DARS1: variants seen among roughly 807,000 people sequenced by gnomAD.
DARS1 encodes aspartate--tRNA ligase, cytoplasmic.
DARS1 carries 51 observed loss-of-function variants against 68.8 expected under a neutral mutation model. That is an observed-to-expected ratio of 0.74 (90% CI 0.59 to 0.94). The LOEUF (loss-of-function observed/expected upper bound fraction) is 0.94. Ranked by LOEUF, DARS1 falls within the 40% of genes least tolerant of loss-of-function variation. The pLI, the probability that DARS1 is intolerant of heterozygous loss-of-function variation, is 0.00. For synonymous variants in DARS1, 203 were observed against 190.4 expected, an observed-to-expected ratio of 1.07 and a Z score of -0.55; for missense variants, 607 against 597.3, an observed-to-expected ratio of 1.02 and a Z score of -0.17.
At chr2:135,957,151 A>C (rs1681993159) in intron 4 of DARS1, among the ~76,000 whole-genome samples, 1 of 151,886 alleles carries the variant, frequency 6.6e-6, no homozygotes, top group Non-Finnish European at 1.5e-5. Flanking sequence ...TGCAGCCTGG[A>C]TCTCCTGGGC....
chr2:135,912,900 T>A (rs1575381958), intron 12 of DARS1, among the ~76,000 whole-genome samples: 1 of 152,076 alleles, frequency 6.6e-6, no homozygotes, highest in East Asian at 1.9e-4. Context: ...ATTTTTAAAA[T>A]TTTTTGTAGA....
chr2:135,920,728 A>G, intron 9 of DARS1, 128 bp from the exon 10 acceptor site: 1 of 1,203,982 alleles, frequency 8.3e-7, no homozygotes, highest in Non-Finnish European at 1.1e-6. Flanking sequence ...GGCTGGAAGG[A>G]CCTCTGATGA....
intron 4 of DARS1, among the ~76,000 whole-genome samples, chr2:135,951,360 C>T (rs1254703739): frequency 6.6e-6 from 1 of 152,162 alleles, no homozygotes; most frequent in Non-Finnish European, 1.5e-5. Flanking sequence ...GCAATTTATT[C>T]CAGATTAATG....
At chr2:135,910,525 C>T (rs1447762886) in intron 15 of DARS1, among the ~76,000 whole-genome samples, 1 of 152,074 alleles carries the variant, frequency 6.6e-6, no homozygotes, top group Non-Finnish European at 1.5e-5. Flanking sequence ...AGGTAAGGGT[C>T]TAATTTCAAT....
chr2:135,971,007 T>A (rs1682356846), intron 3 of DARS1, among the ~76,000 whole-genome samples: 1 of 152,040 alleles, frequency 6.6e-6, no homozygotes, highest in Non-Finnish European at 1.5e-5. Flanking sequence ...ACTGCTGAAT[T>A]CTACTAAACA....
intron 7 of DARS1, among the ~76,000 whole-genome samples, chr2:135,931,862 A>C (rs760339101): frequency 3.3e-5 from 5 of 152,132 alleles, no homozygotes; most frequent in African/African-American, 9.7e-5. Context: ...AATACAACCC[A>C]AAACCCAAAA....
At chr2:135,963,374 CTTT>C (rs111533002) in intron 3 of DARS1, among the ~76,000 whole-genome samples, 1 of 143,724 alleles carries the variant, frequency 7.0e-6, no homozygotes, top group African/African-American at 2.5e-5. Context: ...CTATTAATGA[CTTT>C]TTTTTTTTTT....
intron 4 of DARS1, among the ~76,000 whole-genome samples, chr2:135,945,989 TACATCTGTATCTACATCC>T (rs1681712344): frequency 6.6e-6 from 1 of 152,210 alleles, no homozygotes; most frequent in African/African-American, 2.4e-5. Flanking sequence ...TCTATACAGC[TACATCTGTATCTACATCC>T]ATTTTTGTCT....
At chr2:135,915,603 T>C (rs545839579) in intron 11 of DARS1, among the ~76,000 whole-genome samples, 10 of 152,264 alleles carry the variant, frequency 6.6e-5, no homozygotes, top group South Asian at 6.2e-4. Flanking sequence ...TTTATTAAAC[T>C]ACATAATTTG....
At chr2:135,962,561 CAA>C (rs1279477353) in intron 3 of DARS1, among the ~76,000 whole-genome samples, 1 of 152,108 alleles carries the variant, frequency 6.6e-6, no homozygotes, top group Non-Finnish European at 1.5e-5. Context: ...TTTTGAAATG[CAA>C]ATCAGATAGC....
intron 11 of DARS1, chr2:135,914,992 T>C (rs902953452): frequency 1.3e-5 from 2 of 152,328 alleles, no homozygotes; most frequent in African/African-American, 4.8e-5. Context: ...TTCTATCTTA[T>C]GTAAAAACAA....
chr2:135,943,513 T>C, intron 4 of DARS1, 33 bp from the exon 5 acceptor site: 2 of 1,608,420 alleles, frequency 1.2e-6, no homozygotes, highest in Non-Finnish European at 8.5e-7. Flanking sequence ...ACTTGAATCA[T>C]CTCATCAGAG....
Position 135,935,392 on chromosome 2 carries a change from C to G in DARS1, c.424-1402G>C, listed in dbSNP as rs2104812216. On this transcript the variant is annotated intron_variant, in intron 5 of 15. Coordinates refer to ENST00000264161, the MANE Select transcript of DARS1 (RefSeq NM_001349.4). Reference sequence around the variant, plus strand: ...CAGGCGGATCACGAGGTCAGGAGATCGAGACCATCTTGGCTAACAGAGTGA... The same window carrying G: ...CAGGCGGATCACGAGGTCAGGAGATGGAGACCATCTTGGCTAACAGAGTGA... Among the ~76,000 whole-genome samples the G allele has an allele frequency of 1.3e-5, 2 of 151,520 alleles. 1 individual carries two copies. Among genetic ancestry groups the G allele is most frequent in the Middle Eastern group, 6.8e-3 (2 of 292 alleles).
intron 15 of DARS1, among the ~76,000 whole-genome samples, chr2:135,909,442 G>A (rs563504742): frequency 6.6e-6 from 1 of 152,266 alleles, no homozygotes; most frequent in Admixed American, 6.5e-5. Context: ...ATTAAATCAA[G>A]CTAATTAACA....
intron 4 of DARS1, among the ~76,000 whole-genome samples, chr2:135,958,887 G>T (rs1050907162): frequency 6.6e-6 from 1 of 151,668 alleles, no homozygotes; most frequent in South Asian, 2.1e-4. Flanking sequence ...TTATAATTTG[G>T]AACAGCTCAA....
chr2:135,961,911 T>G (rs560995994), intron 3 of DARS1, among the ~76,000 whole-genome samples: 2 of 152,344 alleles, frequency 1.3e-5, no homozygotes, highest in East Asian at 1.9e-4. Flanking sequence ...GTTTCAATAC[T>G]GCAACCACAA....
At chr2:135,954,052 T>C (rs1449109707) in intron 4 of DARS1, among the ~76,000 whole-genome samples, 1 of 151,690 alleles carries the variant, frequency 6.6e-6, no homozygotes. Flanking sequence ...TCACCACGCC[T>C]GGCCCAGTTC....
At chr2:135,934,060 C>T in intron 5 of DARS1, 70 bp from the exon 6 acceptor site, 2 of 1,559,276 alleles carry the variant, frequency 1.3e-6, no homozygotes, top group Admixed American at 1.8e-5. Context: ...AAAAAACAAT[C>T]TACAGTTGAC....
chr2:135,929,795 T>C (rs187457958), intron 7 of DARS1, among the ~76,000 whole-genome samples: 1 of 152,238 alleles, frequency 6.6e-6, no homozygotes, highest in African/African-American at 2.4e-5. Flanking sequence ...TAATTTTTCT[T>C]TGTTTAAGCG....
Sources: allele counts gnomAD v4.1 joint callset (sites outside exome capture counted in the v4.1 genomes callset), GRCh38; gene constraint gnomAD v4.1.1; transcripts MANE v1.5; gene names NCBI Gene and HGNC (gene_info 2026-07-23, HGNC 2026-07-21).